The following SPON1 variants were observed in gnomAD, a reference collection of about 807,000 sequenced individuals.
SPON1 encodes spondin-1.
A neutral mutation model predicts 111.7 loss-of-function variants in SPON1; 52 were observed. That is an observed-to-expected ratio of 0.47 (90% CI 0.37 to 0.59). The LOEUF is 0.59. Ranked by LOEUF, SPON1 falls within the 20% of genes least tolerant of loss-of-function variation. SPON1 has a pLI of 0.00. For synonymous variants in SPON1, 410 were observed against 395.8 expected (o/e 1.04, Z -0.43); for missense variants, 957 against 1,068.5 (o/e 0.90, Z 1.46).
chr11:14,175,517 G>A, intron 6 of SPON1, among the ~76,000 whole-genome samples: 1 of 152,084 alleles, frequency 6.6e-6, no homozygotes, highest in East Asian at 1.9e-4. Context: ...CTCCATTACA[G>A]AACACAGAAA....
At chr11:14,221,567 G>T (rs180861641) in intron 6 of SPON1, among the ~76,000 whole-genome samples, 3 of 140,978 alleles carry the variant, frequency 2.1e-5, no homozygotes, top group Non-Finnish European at 4.6e-5. Flanking sequence ...CTGCCACGGC[G>T]AAAGCCAGAT....
chr11:14,245,806 C>T (rs1489742237), intron 7 of SPON1, among the ~76,000 whole-genome samples: 1 of 152,198 alleles, frequency 6.6e-6, no homozygotes, highest in Non-Finnish European at 1.5e-5. Flanking sequence ...CCACCCAGCC[C>T]AGGAAATGCC....
intron 3 of SPON1, among the ~76,000 whole-genome samples, chr11:14,056,128 C>T (rs1848743016): frequency 6.6e-6 from 1 of 152,292 alleles, no homozygotes; most frequent in South Asian, 2.1e-4. Context: ...TCATTTTAGA[C>T]ACCCAGTGCC....
At chr11:14,106,322 A>G (rs1409760162) in intron 5 of SPON1, among the ~76,000 whole-genome samples, 2 of 152,180 alleles carry the variant, frequency 1.3e-5, no homozygotes, top group Non-Finnish European at 1.5e-5. Flanking sequence ...GCCTTATGAA[A>G]TTATAGGAGG....
intron 6 of SPON1, among the ~76,000 whole-genome samples, chr11:14,192,105 A>T (rs1051751548): frequency 1.3e-5 from 2 of 152,210 alleles, no homozygotes; most frequent in African/African-American, 4.8e-5. Context: ...TGAAAACAGA[A>T]TAACATTAGC....
chr11:14,025,864 C>T (rs1280009318), intron 2 of SPON1, among the ~76,000 whole-genome samples: 3 of 152,148 alleles, frequency 2.0e-5, no homozygotes, highest in African/African-American at 4.8e-5. Context: ...GACCATAGTC[C>T]GTGGTCAGAG....
chr11:14,158,082 G>A (rs1479316052), intron 6 of SPON1, among the ~76,000 whole-genome samples: 1 of 152,052 alleles, frequency 6.6e-6, no homozygotes, highest in African/African-American at 2.4e-5. Context: ...AGGGGCTCTG[G>A]ATGACATTAT....
intron 6 of SPON1, among the ~76,000 whole-genome samples, chr11:14,154,163 G>T (rs190314403): frequency 8.5e-5 from 13 of 152,286 alleles, no homozygotes; most frequent in African/African-American, 2.6e-4. Flanking sequence ...TCTGGAGAAT[G>T]GTGACCCTCT....
At chr11:14,099,104 A>T (rs1273140804) in intron 5 of SPON1, among the ~76,000 whole-genome samples, 1 of 152,200 alleles carries the variant, frequency 6.6e-6, no homozygotes, top group Non-Finnish European at 1.5e-5. Context: ...CAATTTCTTC[A>T]TCAGTTATTG....
At chr11:14,037,941 G>A (rs555045940) in intron 2 of SPON1, among the ~76,000 whole-genome samples, 7 of 152,280 alleles carry the variant, frequency 4.6e-5, no homozygotes, top group African/African-American at 2.4e-5. Flanking sequence ...CAAGGCAGGC[G>A]GATCACTTGA....
At chr11:13,984,852 C>A (rs1554910123) in intron 2 of SPON1, among the ~76,000 whole-genome samples, 1 of 152,196 alleles carries the variant, frequency 6.6e-6, no homozygotes, top group East Asian at 1.9e-4. Flanking sequence ...AGTGGATAAA[C>A]ATTTGACTCT....
chr11:14,016,009 T>G (rs1375581125), intron 2 of SPON1, among the ~76,000 whole-genome samples: 1 of 152,244 alleles, frequency 6.6e-6, no homozygotes, highest in Admixed American at 6.5e-5. Context: ...GAGGGCAGGA[T>G]AGTTGATGAC....
Position 14,243,405 on chromosome 11 carries a change from C to T in SPON1, c.890+9C>T, listed in dbSNP as rs1184768617. Reference sequence around the variant, plus strand: ...TGGCAGCCTCTCAACGTGTAAGTAACACAAGTCCCTTGCCTGGCCTGTCTT... The same window carrying T: ...TGGCAGCCTCTCAACGTGTAAGTAATACAAGTCCCTTGCCTGGCCTGTCTT... On this transcript the variant is annotated intron_variant, in intron 7 of 15. Coordinates refer to ENST00000576479, the MANE Select transcript of SPON1 (RefSeq NM_006108.4). 6.4e-7 allele frequency: 1 copy of T among 1,565,420 alleles called. No individual in the cohort carries two copies.
At position 14,233,758 on chromosome 11, in the gene SPON1, C is replaced by CTTTTT. The variant is rs10610600; in HGVS notation, c.826-9557_826-9553dup. 7.6e-4 allele frequency among the ~76,000 whole-genome samples: 74 copies of CTTTTT among 96,798 alleles called. 1 individual carries two copies. The highest frequency in any genetic ancestry group is 9.1e-4 in the Non-Finnish European group (47 of 51,412). 63.5% of individuals were successfully genotyped at this position (96,798 alleles called of 152,430 possible). On this transcript the variant is annotated intron_variant, in intron 6 of 15. Transcript: ENST00000576479. ...GGAGTGTCCAACACTGTTTCTTTTT[C>CTTTTT]TTTTTTTTTTTTTTTTTTTTTGAGA...
chr11:14,024,593 G>A (rs1343361103), intron 2 of SPON1, among the ~76,000 whole-genome samples: 4 of 152,092 alleles, frequency 2.6e-5, no homozygotes, highest in South Asian at 2.1e-4. Flanking sequence ...CTGCTCCTCC[G>A]ATGTCTAGCC....
At chr11:13,996,449 G>A (rs1554911809) in intron 2 of SPON1, among the ~76,000 whole-genome samples, 1 of 152,198 alleles carries the variant, frequency 6.6e-6, no homozygotes, top group African/African-American at 2.4e-5. Flanking sequence ...TCTAGTGCCT[G>A]CTGCCAGAAA....
chr11:14,040,130 C>T (rs1238626770), intron 2 of SPON1, among the ~76,000 whole-genome samples: 2 of 152,162 alleles, frequency 1.3e-5, no homozygotes, highest in African/African-American at 4.8e-5. Context: ...ATACCCACAA[C>T]TTAGCAATCC....
intron 5 of SPON1, among the ~76,000 whole-genome samples, chr11:14,094,699 G>T (rs1159058521): frequency 6.6e-6 from 1 of 152,198 alleles, no homozygotes; most frequent in African/African-American, 2.4e-5. Flanking sequence ...ATGGATGAAT[G>T]AATGAGAAGC....
chr11:14,253,864 CT>C lies in SPON1; in HGVS notation c.891-661del, dbSNP rs782492528. Among the ~76,000 whole-genome samples, 18 of 152,330 alleles carry C rather than the reference CT, an allele frequency of 1.2e-4. No individual in the cohort carries two copies. The South Asian group carries it at 1.2e-3, about 11-fold the overall frequency. On this transcript the variant is annotated intron_variant, in intron 7 of 15. Transcript: ENST00000576479. Reference sequence around the variant, plus strand: ...ATATGGGACTGCCACCCGCTGTGTGCTTTGCGAATGTGACTCTTTCCTTTCC... The same window carrying C: ...ATATGGGACTGCCACCCGCTGTGTGCTTGCGAATGTGACTCTTTCCTTTCC...
Sources: allele counts gnomAD v4.1 joint callset (sites outside exome capture counted in the v4.1 genomes callset), GRCh38; gene constraint gnomAD v4.1.1; transcripts MANE v1.5; gene names NCBI Gene and HGNC (gene_info 2026-07-23, HGNC 2026-07-21).